The following RAB9B variants were observed in gnomAD, a reference collection of about 807,000 sequenced individuals.
RAB9B encodes the protein RAB9B, member RAS oncogene family, also known as ras-related protein Rab-9B.
RAB9B carries 1 observed loss-of-function variant against 8.9 expected under a neutral mutation model. The ratio of observed to expected loss-of-function variants is 0.11; its 90% CI spans 0.04 to 0.53. The LOEUF (loss-of-function observed/expected upper bound fraction) is 0.53. RAB9B is among the 20% of genes least tolerant of loss of function. RAB9B has a pLI of 0.93. For missense variants in RAB9B, 82 were observed against 152.9 expected, an observed-to-expected ratio of 0.54 and a Z score of 2.45; for synonymous variants, 63 against 57.0, an observed-to-expected ratio of 1.10 and a Z score of -0.47.
At chrX:103,804,097 C>CTA in the RAB9B span, among the ~76,000 whole-genome samples, 1,426 of 111,706 alleles carry the variant, frequency 0.013, 12 homozygotes, top group Non-Finnish European at 0.019. Flanking sequence ...AGATTTTTAC[C>CTA]TATGTTTTCT....
chrX:103,818,796 T>G (rs2074649280), downstream of RAB9B, among the ~76,000 whole-genome samples: 1 of 112,033 alleles, frequency 8.9e-6, no homozygotes, highest in Admixed American at 9.5e-5. Context: ...TATCTCAGGT[T>G]AATAGGATTA....
chrX:103,802,431 C>T, the RAB9B span, among the ~76,000 whole-genome samples: 1 of 111,293 alleles, frequency 9.0e-6, no homozygotes, highest in African/African-American at 3.3e-5. Context: ...CTCTTGAGGG[C>T]ACTGATAATT....
At chrX:103,786,210 T>A in the RAB9B span, 2 of 1,137,084 alleles carry the variant, frequency 1.8e-6, no homozygotes, top group Admixed American at 2.6e-5. Context: ...GGAGAGTAGG[T>A]CCCTGGTTCT....
chrX:103,810,101 C>T, the RAB9B span, among the ~76,000 whole-genome samples: 3 of 110,987 alleles, frequency 2.7e-5, no homozygotes, highest in African/African-American at 9.8e-5. Context: ...TTTTTTAAAC[C>T]CCAGGATATT....
the RAB9B span, chrX:103,776,683 T>A: frequency 3.4e-6 from 1 of 293,950 alleles, no homozygotes; most frequent in Non-Finnish European, 5.9e-6. Flanking sequence ...ACAAAGAAAA[T>A]GAAACAATTG....
intron 1 of RAB9B, among the ~76,000 whole-genome samples, chrX:103,829,520 T>C (rs2074695706): frequency 8.9e-6 from 1 of 112,156 alleles, no homozygotes. Context: ...CCATCCTCAT[T>C]TTGGCCCACA....
chrX:103,795,004 T>C, the RAB9B span, among the ~76,000 whole-genome samples: 1 of 112,192 alleles, frequency 8.9e-6, no homozygotes, highest in Non-Finnish European at 1.9e-5. Context: ...GTCTTAACAT[T>C]TTACTCAAAC....
At chrX:103,793,503 C>T in the RAB9B span, among the ~76,000 whole-genome samples, 25 of 112,123 alleles carry the variant, frequency 2.2e-4, no homozygotes, top group Non-Finnish European at 4.3e-4. Context: ...TCTGGTTGAA[C>T]GACTTTAAGA....
chrX:103,828,639 C>T (rs1205996423), intron 1 of RAB9B, among the ~76,000 whole-genome samples: 2 of 111,898 alleles, frequency 1.8e-5, no homozygotes, highest in Non-Finnish European at 3.8e-5. Context: ...ACCCTATTCT[C>T]CCAGTTGCAG....
At chrX:103,780,431 G>GTC in the RAB9B span, among the ~76,000 whole-genome samples, 1 of 90,423 alleles carries the variant, frequency 1.1e-5, no homozygotes, top group Non-Finnish European at 2.3e-5. Flanking sequence ...CATTCATTCT[G>GTC]TCTCTCTCTG....
downstream of RAB9B, among the ~76,000 whole-genome samples, chrX:103,818,015 C>G (rs938763702): frequency 9.0e-6 from 1 of 110,741 alleles, no homozygotes; most frequent in African/African-American, 3.3e-5. Flanking sequence ...TTTTAAAATA[C>G]CATAAACAAA....
At chrX:103,787,111 G>A in the RAB9B span, 1 of 213,430 alleles carries the variant, frequency 4.7e-6, no homozygotes, top group Admixed American at 6.5e-5. Context: ...CCTGATCTGA[G>A]AGGGAGGATG....
At chrX:103,827,398 C>T (rs966078567) in intron 1 of RAB9B, among the ~76,000 whole-genome samples, 1 of 111,441 alleles carries the variant, frequency 9.0e-6, no homozygotes, top group African/African-American at 3.3e-5. Flanking sequence ...CAATAGATGA[C>T]ATTCAGGAAA....
At chrX:103,813,329 C>T in the RAB9B span, among the ~76,000 whole-genome samples, 36 of 110,885 alleles carry the variant, frequency 3.2e-4, no homozygotes, top group South Asian at 3.1e-3. Flanking sequence ...TGCACCTCAC[C>T]CCTAAACTGG....
the RAB9B span, among the ~76,000 whole-genome samples, chrX:103,783,921 T>C: frequency 1.0e-5 from 1 of 100,096 alleles, no homozygotes; most frequent in Non-Finnish European, 2.1e-5. Context: ...TATAGATATA[T>C]AAAATCAGTG....
At chrX:103,780,897 C>T in the RAB9B span, 4 of 117,617 alleles carry the variant, frequency 3.4e-5, no homozygotes, top group Non-Finnish European at 5.3e-5. Flanking sequence ...ATCAAGGAGG[C>T]CTCTGTTCAT....
At chrX:103,788,764 G>T in the RAB9B span, 2 of 391,393 alleles carry the variant, frequency 5.1e-6, no homozygotes, top group Non-Finnish European at 8.9e-6. Context: ...TGTAGCTTTA[G>T]GTAAAGATAG....
At chrX:103,796,615 T>A in the RAB9B span, among the ~76,000 whole-genome samples, 3 of 110,594 alleles carry the variant, frequency 2.7e-5, no homozygotes, top group African/African-American at 9.9e-5. Flanking sequence ...ATCAGTCTTA[T>A]GAGGCAGAAG....
chrX:103,831,349 C>T (rs1266960690), intron 1 of RAB9B, among the ~76,000 whole-genome samples: 1 of 107,004 alleles, frequency 9.3e-6, no homozygotes, highest in East Asian at 2.9e-4. Context: ...TCAGCTACAT[C>T]CATGCCGACT....
Sources: allele counts gnomAD v4.1 joint callset (sites outside exome capture counted in the v4.1 genomes callset), GRCh38; gene constraint gnomAD v4.1.1; transcripts MANE v1.5; gene names NCBI Gene and HGNC (gene_info 2026-07-23, HGNC 2026-07-21).